Variants in SYT10 observed in about 807,000 individuals in gnomAD.
SYT10 encodes the protein synaptotagmin 10.
SYT10 carries 31 observed loss-of-function variants against 51.1 expected under a neutral mutation model. The ratio of observed to expected loss-of-function variants is 0.61; its 90% CI spans 0.46 to 0.82. The LOEUF (loss-of-function observed/expected upper bound fraction) is 0.82. SYT10 is among the 40% of genes least tolerant of loss of function. The pLI is 0.00. For missense variants in SYT10, 603 were observed against 634.0 expected, an observed-to-expected ratio of 0.95 and a Z score of 0.53; for synonymous variants, 233 against 225.9, an observed-to-expected ratio of 1.03 and a Z score of -0.28.
At chr12:33,438,329 C>G (rs113518105) in intron 1 of SYT10, among the ~76,000 whole-genome samples, 21 of 152,286 alleles carry the variant, frequency 1.4e-4, no homozygotes, top group Middle Eastern at 3.4e-3. Flanking sequence ...ACCTTCCAGT[C>G]GAAAATCCCC....
At chr12:33,427,270 C>T (rs919357971) in intron 1 of SYT10, among the ~76,000 whole-genome samples, 3 of 152,048 alleles carry the variant, frequency 2.0e-5, no homozygotes, top group Non-Finnish European at 2.9e-5. Context: ...TTTCGCCCTT[C>T]TACCATGTGA....
intron 3 of SYT10, among the ~76,000 whole-genome samples, chr12:33,403,549 C>A (rs1364545678): frequency 6.6e-6 from 1 of 152,026 alleles, no homozygotes; most frequent in Non-Finnish European, 1.5e-5. Flanking sequence ...GTCTTTTAAT[C>A]CAGTATTTAT....
At chr12:33,425,285 A>C (rs1252344391) in intron 2 of SYT10, among the ~76,000 whole-genome samples, 1 of 152,154 alleles carries the variant, frequency 6.6e-6, no homozygotes, top group East Asian at 1.9e-4. Context: ...CCTGCCCTAG[A>C]ATAAAACTAG....
chr12:33,405,708 C>A (rs982196132), intron 3 of SYT10: 34 of 151,764 alleles, frequency 2.2e-4, no homozygotes, highest in African/African-American at 7.7e-4. Flanking sequence ...AGTTGCGATA[C>A]AACTCAAACA....
chr12:33,418,146 A>G (rs1176775819), intron 2 of SYT10, among the ~76,000 whole-genome samples: 1 of 152,124 alleles, frequency 6.6e-6, no homozygotes, highest in Non-Finnish European at 1.5e-5. Context: ...TCTCCCCAAC[A>G]TTGCTAAATT....
chr12:33,388,903 C>G (rs182403434), intron 3 of SYT10, among the ~76,000 whole-genome samples: 1 of 152,270 alleles, frequency 6.6e-6, no homozygotes, highest in East Asian at 1.9e-4. Flanking sequence ...ATTGCACATC[C>G]TGTTACAGGA....
chr12:33,379,877 C>T lies in SYT10; in HGVS notation c.1455G>A (p.Leu485=), dbSNP rs778375475. 5 of 1,613,858 alleles carry T rather than the reference C, an allele frequency of 3.1e-6. No individual in the cohort carries two copies. Among genetic ancestry groups the T allele is most frequent in the Non-Finnish European group, 3.4e-6 (4 of 1,179,938 alleles). The change falls in exon 6 of 7, where the codon CTG becomes CTA. Residue 485 remains leucine (L), a synonymous_variant. Transcript: ENST00000228567. The stretch of plus-strand genomic sequence containing the variant: ...GCGTTATTGGTTTTCGATGATAGGC[C>T]AGCATTTCATTCCAGTGGTCTCGCC... ...GLGRDHWNEM[L]AYHRKPITHW...
chr12:33,404,998 T>C (rs561605281), intron 3 of SYT10: 1 of 151,860 alleles, frequency 6.6e-6, no homozygotes, highest in African/African-American at 2.4e-5. Context: ...TAGAACCAGT[T>C]TGGAAAACGT....
At chr12:33,406,736 C>G in intron 3 of SYT10, 53 bp downstream of exon 3, 1 of 1,425,790 alleles carries the variant, frequency 7.0e-7, no homozygotes. Context: ...TAATTAGTCA[C>G]ATAGCATTGT....
chr12:33,435,508 T>C (rs1866631454), intron 1 of SYT10, among the ~76,000 whole-genome samples: 1 of 152,334 alleles, frequency 6.6e-6, no homozygotes, highest in Non-Finnish European at 1.5e-5. Flanking sequence ...TCCTCTTATA[T>C]ATTCTTCTTC....
intron 2 of SYT10, among the ~76,000 whole-genome samples, chr12:33,421,619 T>C (rs532013810): frequency 1.3e-5 from 2 of 152,170 alleles, no homozygotes; most frequent in Admixed American, 6.5e-5. Flanking sequence ...AAGCATTCAA[T>C]TGACACTTAT....
chr12:33,431,136 G>A, intron 1 of SYT10, among the ~76,000 whole-genome samples: 1 of 152,096 alleles, frequency 6.6e-6, no homozygotes, highest in East Asian at 1.9e-4. Flanking sequence ...CCATATTTCA[G>A]GCAGCTGGAT....
chr12:33,413,199 A>C (rs184735607), intron 2 of SYT10, among the ~76,000 whole-genome samples: 5,858 of 152,268 alleles, frequency 0.038, 365 homozygotes, highest in African/African-American at 0.13. Context: ...GACCAAATCT[A>C]CATCTGATTG....
At chr12:33,423,857 C>T (rs139146354) in intron 2 of SYT10, 1 of 430,408 alleles carries the variant, frequency 2.3e-6, no homozygotes, top group African/African-American at 2.0e-5. Flanking sequence ...ATTTTTAAAT[C>T]TCTCTGGGTT....
At chr12:33,384,110 A>G (rs564808010) in intron 4 of SYT10, among the ~76,000 whole-genome samples, 13 of 152,326 alleles carry the variant, frequency 8.5e-5, no homozygotes, top group African/African-American at 3.1e-4. Context: ...ATAGACAGAT[A>G]TACAATAAGT....
chr12:33,426,128 C>G lies in SYT10; in HGVS notation c.509+10G>C. 6.3e-7 allele frequency: 1 copy of G among 1,577,762 alleles called. No individual in the cohort carries two copies. Among genetic ancestry groups the G allele is most frequent in the East Asian group, 2.2e-5 (1 of 44,692 alleles). On this transcript the variant is annotated intron_variant, in intron 2 of 6. Transcript: ENST00000228567. ...CACACACCAGTTTTATATATTTAAT[C>G]TTTCCTTACCGGGTTGATGACGTAG...
intron 2 of SYT10, among the ~76,000 whole-genome samples, chr12:33,422,460 A>G (rs531492477): frequency 5.2e-4 from 79 of 152,270 alleles, no homozygotes; most frequent in African/African-American, 1.9e-3. Context: ...ATCCTAAAAC[A>G]TAACACTTAC....
intron 4 of SYT10, 70 bp downstream of exon 4, chr12:33,385,101 A>G: frequency 1.9e-6 from 3 of 1,569,402 alleles, no homozygotes; most frequent in East Asian, 2.3e-5. Context: ...GTAGTCATGT[A>G]TCATTTTTAG....
intron 4 of SYT10, among the ~76,000 whole-genome samples, chr12:33,384,641 G>T (rs1866142255): frequency 6.6e-6 from 1 of 152,170 alleles, no homozygotes; most frequent in East Asian, 1.9e-4. Flanking sequence ...TTTCCTTCAA[G>T]AATTTCTTTC....
Sources: allele counts gnomAD v4.1 joint callset (sites outside exome capture counted in the v4.1 genomes callset), GRCh38; gene constraint gnomAD v4.1.1; transcripts MANE v1.5; gene names NCBI Gene and HGNC (gene_info 2026-07-23, HGNC 2026-07-21).